PTPN22: variants seen among roughly 807,000 people sequenced by gnomAD.
The protein encoded by PTPN22 is tyrosine-protein phosphatase non-receptor type 22.
PTPN22 carries 85 observed loss-of-function variants against 103.3 expected under a neutral mutation model. That is an observed-to-expected ratio of 0.82 (90% CI 0.69 to 0.99). PTPN22 has a LOEUF of 0.99. Among genes scored for constraint, PTPN22 ranks in the 50% least tolerant of loss-of-function variants. The pLI is 0.00. For missense variants in PTPN22, 865 were observed against 936.9 expected (o/e 0.92, Z 1.00); for synonymous variants, 323 against 310.2 (o/e 1.04, Z -0.43).
At position 113,853,748 on chromosome 1, in the gene PTPN22, C is replaced by T. The variant is rs189456666; in HGVS notation, c.750+723G>A. On this transcript the variant is annotated intron_variant, in intron 9 of 20. Coordinates refer to ENST00000359785, the Ensembl canonical transcript of PTPN22. The stretch of plus-strand genomic sequence containing the variant: ...CCAGGCTGGAGTACAGTGGCTCAAT[C>T]TCAGCTCACTGCAACCTCCGCCTCC... Among the ~76,000 whole-genome samples, 179 of 151,724 alleles carry T rather than the reference C, an allele frequency of 1.2e-3. 2 individuals are homozygous for T. Among genetic ancestry groups the T allele is most frequent in the African/African-American group, 4.0e-3 (167 of 41,344 alleles).
intron 18 of PTPN22, among the ~76,000 whole-genome samples, chr1:113,825,703 ATGTTGTTGT>A (rs752873236): frequency 4.6e-5 from 7 of 151,004 alleles, no homozygotes; most frequent in Non-Finnish European, 7.4e-5. Context: ...AGATTAATAA[ATGTTGTTGT>A]TGTTGTTGTT....
At chr1:113,840,221 CAA>C (rs35772284) in intron 11 of PTPN22, among the ~76,000 whole-genome samples, 11 of 116,770 alleles carry the variant, frequency 9.4e-5, no homozygotes, top group African/African-American at 1.2e-4. Context: ...AATTCCATCT[CAA>C]AAAAAAAAAA....
chr1:113,823,130 C>T (rs1217389), intron 19 of PTPN22: 115,584 of 151,866 alleles, frequency 0.76, 44,692 homozygotes, highest in African/African-American at 0.88. Flanking sequence ...AATGTTGGAA[C>T]CCCTCACCAA....
chr1:113,856,786 C>G lies in PTPN22; in HGVS notation c.409-167G>C, dbSNP rs1358650504. The G allele has an allele frequency of 3.9e-6, 3 of 777,566 alleles. No homozygotes were observed. The African/African-American group carries it at 5.2e-5, about 14-fold the overall frequency. The allele number at this position is 777,566 out of a possible 1,614,324, so 48.2% of individuals were successfully genotyped here. A position where few individuals can be genotyped will look rare whatever the true frequency, so the allele number is the denominator to read the frequency against. On this transcript the variant is annotated intron_variant, in intron 5 of 20. Transcript: ENST00000359785. The stretch of plus-strand genomic sequence containing the variant: ...ATTGGAATCTCCAAAGATGGGAAAA[C>G]AAACATTAAAGGATATATAAATTAC...
chr1:113,866,121 T>G (rs763721955), intron 1 of PTPN22, among the ~76,000 whole-genome samples: 29 of 152,204 alleles, frequency 1.9e-4, no homozygotes, highest in Non-Finnish European at 3.4e-4. Flanking sequence ...AGTACCTTCC[T>G]CAATGGAGCA....
chr1:113,838,076 C>A, exon 13 of PTPN22: 1 of 1,613,824 alleles, frequency 6.2e-7, no homozygotes, highest in Non-Finnish European at 8.5e-7. Flanking sequence ...GTTATTGGCA[C>A]CTTTGAATTA....
At chr1:113,839,268 C>A (rs1180946230) in intron 11 of PTPN22, among the ~76,000 whole-genome samples, 5 of 152,120 alleles carry the variant, frequency 3.3e-5, no homozygotes, top group Admixed American at 2.0e-4. Context: ...TTTTAAGAGA[C>A]AGGGCCTCGC....
intron 1 of PTPN22, among the ~76,000 whole-genome samples, chr1:113,863,680 A>G (rs1163662281): frequency 1.3e-5 from 2 of 152,142 alleles, no homozygotes; most frequent in Non-Finnish European, 2.9e-5. Flanking sequence ...TTTGGTTAGT[A>G]TCATTACTAT....
At chr1:113,849,615 T>A (rs1330108893) in intron 10 of PTPN22, among the ~76,000 whole-genome samples, 2 of 151,094 alleles carry the variant, frequency 1.3e-5, no homozygotes, top group African/African-American at 4.9e-5. Context: ...TGAGACACGG[T>A]CTCACCGTGT....
chr1:113,866,195 T>C (rs977347248), intron 1 of PTPN22, among the ~76,000 whole-genome samples: 3 of 152,180 alleles, frequency 2.0e-5, no homozygotes, highest in African/African-American at 7.2e-5. Context: ...TTCTCTATTA[T>C]GATTATTATT....
chr1:113,867,859 T>A (rs931631255), intron 1 of PTPN22, among the ~76,000 whole-genome samples: 8 of 152,212 alleles, frequency 5.3e-5, no homozygotes, highest in Non-Finnish European at 1.2e-4. Flanking sequence ...AATACAGTCC[T>A]CTCACAGTAT....
At chr1:113,860,084 C>T (rs1438739744) in intron 1 of PTPN22, among the ~76,000 whole-genome samples, 1 of 151,498 alleles carries the variant, frequency 6.6e-6, no homozygotes, top group East Asian at 1.9e-4. Context: ...ACCTCAGCCT[C>T]ACCTCCCACC....
chr1:113,856,908 G>A (rs1203532810), intron 5 of PTPN22: 1 of 323,058 alleles, frequency 3.1e-6, no homozygotes, highest in Admixed American at 4.5e-5. Context: ...TACTAAAACA[G>A]CTGCACAAGC....
At chr1:113,846,845 C>T (rs1402192599) in intron 11 of PTPN22, among the ~76,000 whole-genome samples, 1 of 152,126 alleles carries the variant, frequency 6.6e-6, no homozygotes, top group East Asian at 1.9e-4. Context: ...TTTCCTCCTA[C>T]AGTTAAGGTG....
chr1:113,829,125 C>G (rs1462762401), intron 18 of PTPN22: 1 of 151,966 alleles, frequency 6.6e-6, no homozygotes, highest in East Asian at 1.9e-4. Flanking sequence ...CCCATGTGAA[C>G]TTTGAATTCA....
At chr1:113,831,684 A>G (rs1662564235) in intron 16 of PTPN22, among the ~76,000 whole-genome samples, 1 of 152,106 alleles carries the variant, frequency 6.6e-6, no homozygotes, top group African/African-American at 2.4e-5. Flanking sequence ...CTCTGTCTAT[A>G]CAAATTATTT....
Position 113,834,455 on chromosome 1 carries a change from T to C in PTPN22, c.1895-16A>G, listed in dbSNP as rs1207759549. The C allele has an allele frequency of 6.2e-7, 1 of 1,607,388 alleles. No individual in the cohort carries two copies. The highest frequency in any genetic ancestry group is 1.1e-5 in the South Asian group (1 of 90,896). ...GAGAATTCTCCTGGAAGAAAGTGAA[T>C]ATAGTTCGGTTCTTAAGAATAGTAT... On this transcript the variant is annotated splice_polypyrimidine_tract_variant and intron_variant, in intron 14 of 20. Transcript: ENST00000359785.
chr1:113,815,000 A>T (rs78822539), intron 20 of PTPN22, 31 bp from the exon 21 acceptor site: 8 of 1,525,310 alleles, frequency 5.2e-6, no homozygotes, highest in Non-Finnish European at 7.2e-6. Context: ...GAATGAAAAG[A>T]AAGATGTTTT....
chr1:113,825,787 C>T (rs1558019135), intron 18 of PTPN22, among the ~76,000 whole-genome samples: 1 of 152,078 alleles, frequency 6.6e-6, no homozygotes, highest in Non-Finnish European at 1.5e-5. Flanking sequence ...GATCTCAGCT[C>T]ACTGCAACCT....
Sources: gnomAD v4.1 joint callset for allele counts (sites outside exome capture counted in the v4.1 genomes callset) on GRCh38, gnomAD v4.1.1 for gene constraint, MANE v1.5 for transcripts, NCBI Gene and HGNC (gene_info 2026-07-23, HGNC 2026-07-21) for gene names.